The following RANBP17 variants were observed in gnomAD, a reference collection of about 807,000 sequenced individuals.
The protein encoded by RANBP17 is RAN binding protein 17, also known as ran-binding protein 17.
Under a neutral mutation model 141.2 loss-of-function variants are expected in RANBP17, and 158 were observed. The ratio of observed to expected loss-of-function variants is 1.12; its 90% CI spans 0.98 to 1.28. The LOEUF (loss-of-function observed/expected upper bound fraction) is 1.28. Ranked by LOEUF, RANBP17 falls within the 50% of genes most tolerant of loss-of-function variation. The pLI is 0.00. For missense variants in RANBP17, 1,438 were observed against 1,290.7 expected (o/e 1.11, Z -1.75); for synonymous variants, 430 against 450.0 (o/e 0.96, Z 0.56).
rs543893801 is a variant in RANBP17 at position 171,197,141 on chromosome 5, A to G, written c.2039-2529A>G. Among the ~76,000 whole-genome samples the G allele has an allele frequency of 3.9e-5, 6 of 152,332 alleles. No homozygotes were observed. The South Asian group carries it at 1.2e-3, about 32-fold the overall frequency. ...TTATGTATTTAGGATTTGATAATGT[A>G]TATTTCAATTATTTATTGTATTATT... On this transcript the variant is annotated intron_variant, in intron 18 of 27. Coordinates refer to ENST00000523189, the MANE Select transcript of RANBP17 (RefSeq NM_022897.5).
intron 14 of RANBP17, among the ~76,000 whole-genome samples, chr5:171,034,471 T>C (rs1781746300): frequency 6.6e-6 from 1 of 152,230 alleles, no homozygotes; most frequent in Non-Finnish European, 1.5e-5. Context: ...TAGAATTGGC[T>C]GAGGGGACTA....
intron 5 of RANBP17, among the ~76,000 whole-genome samples, chr5:170,907,848 A>G (rs1771195740): frequency 6.6e-6 from 1 of 151,882 alleles, no homozygotes; most frequent in South Asian, 2.1e-4. Flanking sequence ...TAATCAAGAG[A>G]GGCATTAAAA....
intron 14 of RANBP17, among the ~76,000 whole-genome samples, chr5:171,000,571 C>T (rs1329809204): frequency 6.6e-6 from 1 of 152,172 alleles, no homozygotes; most frequent in Non-Finnish European, 1.5e-5. Flanking sequence ...GTGTCACACG[C>T]ATCCGTGTCA....
intron 5 of RANBP17, among the ~76,000 whole-genome samples, chr5:170,900,498 G>C (rs566559485): frequency 1.3e-5 from 2 of 151,940 alleles, no homozygotes. Context: ...AGGGTTGTTC[G>C]TGTCTCTATC....
intron 12 of RANBP17, among the ~76,000 whole-genome samples, chr5:170,942,849 G>T (rs1038299429): frequency 9.9e-5 from 15 of 152,178 alleles, no homozygotes; most frequent in African/African-American, 3.4e-4. Context: ...ATGAAGATAT[G>T]AATGTTTTAA....
chr5:170,887,920 T>C (rs1319197416), intron 3 of RANBP17, among the ~76,000 whole-genome samples: 1 of 152,190 alleles, frequency 6.6e-6, no homozygotes, highest in Non-Finnish European at 1.5e-5. Flanking sequence ...ACCATTCATA[T>C]GGGCAAAGCA....
chr5:171,213,834 A>G, intron 21 of RANBP17, 96 bp downstream of exon 21: 1 of 890,930 alleles, frequency 1.1e-6, no homozygotes, highest in Non-Finnish European at 1.9e-6. Flanking sequence ...TTTCCAAGGT[A>G]GTTAGCAAGA....
At chr5:170,890,133 G>C (rs1769475600) in intron 3 of RANBP17, among the ~76,000 whole-genome samples, 1 of 152,020 alleles carries the variant, frequency 6.6e-6, no homozygotes, top group African/African-American at 2.4e-5. Flanking sequence ...ATTATTTTGA[G>C]ATTACCCTCC....
At chr5:171,145,796 C>G (rs1021233298) in intron 14 of RANBP17, among the ~76,000 whole-genome samples, 3 of 152,060 alleles carry the variant, frequency 2.0e-5, no homozygotes, top group Non-Finnish European at 4.4e-5. Flanking sequence ...AATAGTGTTT[C>G]TATGAAGTCG....
chr5:171,178,500 T>G (rs1392657797), intron 16 of RANBP17, among the ~76,000 whole-genome samples: 1 of 152,192 alleles, frequency 6.6e-6, no homozygotes, highest in East Asian at 1.9e-4. Context: ...TGTGTCTTCA[T>G]AGTAGAATGA....
At chr5:171,070,069 A>G (rs1267897036) in intron 14 of RANBP17, among the ~76,000 whole-genome samples, 1 of 152,174 alleles carries the variant, frequency 6.6e-6, no homozygotes, top group African/African-American at 2.4e-5. Context: ...AAGGCTAAGC[A>G]TGTCTGTATT....
intron 18 of RANBP17, among the ~76,000 whole-genome samples, chr5:171,189,051 T>C (rs901236276): frequency 1.3e-5 from 2 of 152,192 alleles, no homozygotes; most frequent in African/African-American, 4.8e-5. Context: ...TAAATTCACA[T>C]TTTTAGTTCA....
chr5:171,155,152 T>C (rs1054110890), intron 14 of RANBP17, among the ~76,000 whole-genome samples: 1 of 145,916 alleles, frequency 6.9e-6, no homozygotes, highest in African/African-American at 2.5e-5. Context: ...TATACACATA[T>C]ATGTATATAT....
chr5:171,255,537 C>A (rs1765827480), intron 24 of RANBP17, among the ~76,000 whole-genome samples: 1 of 152,058 alleles, frequency 6.6e-6, no homozygotes, highest in Non-Finnish European at 1.5e-5. Context: ...ACATCTACAC[C>A]ATACTTCATA....
chr5:170,900,362 C>T (rs947868971), intron 5 of RANBP17, among the ~76,000 whole-genome samples: 7 of 151,962 alleles, frequency 4.6e-5, no homozygotes, highest in African/African-American at 1.7e-4. Context: ...GGTGATCTCC[C>T]CTTTATCGTT....
In RANBP17 at chr5:171,298,762, G is replaced by T. The variant is rs1371521451; in HGVS notation, c.3171G>T (p.Arg1057Ser). 10 of 1,613,492 alleles carry T rather than the reference G, an allele frequency of 6.2e-6. No individual in the cohort carries two copies. The highest frequency in any genetic ancestry group is 7.6e-6 in the Non-Finnish European group (9 of 1,179,438). ...EQNLSVKNRD[R>S]FTQNLSVFRR... ...TGACCCTTTCTTCCTCTTTCTGCAGGTTCACCCAAAATCTGTCTGTATTCA... is the reference window on the plus strand; with the variant it reads ...TGACCCTTTCTTCCTCTTTCTGCAGTTTCACCCAAAATCTGTCTGTATTCA... Residue 1057 changes from arginine (R) to serine (S), a missense_variant and splice_region_variant, in exon 28 of 28, where the codon AGG (arginine) becomes AGT (serine). Coordinates refer to ENST00000523189, the MANE Select transcript of RANBP17 (RefSeq NM_022897.5).
chr5:171,232,870 C>G (rs567801147), intron 22 of RANBP17, among the ~76,000 whole-genome samples: 1 of 152,120 alleles, frequency 6.6e-6, no homozygotes, highest in African/African-American at 2.4e-5. Context: ...TTATTAATCG[C>G]CTTTAGCTGA....
intron 14 of RANBP17, among the ~76,000 whole-genome samples, chr5:171,046,848 A>G (rs537502522): frequency 5.3e-5 from 8 of 152,236 alleles, no homozygotes; most frequent in African/African-American, 1.7e-4. Flanking sequence ...TCTAATTTAT[A>G]TTTCATTAAA....
chr5:171,171,350 C>T (rs1297167546), intron 16 of RANBP17, 64 bp downstream of exon 16: 9 of 869,080 alleles, frequency 1.0e-5, no homozygotes, highest in East Asian at 2.6e-5. Flanking sequence ...TTTAATTAAC[C>T]AGGTATTCTC....
Sources: gnomAD v4.1 joint callset for allele counts (sites outside exome capture counted in the v4.1 genomes callset) on GRCh38, gnomAD v4.1.1 for gene constraint, MANE v1.5 for transcripts, NCBI Gene and HGNC (gene_info 2026-07-23, HGNC 2026-07-21) for gene names.